The following BCAS3 variants were observed in gnomAD, a reference collection of about 807,000 sequenced individuals.
BCAS3 encodes the protein BCAS3 microtubule associated cell migration factor.
Under a neutral mutation model 116.1 loss-of-function variants are expected in BCAS3, and 53 were observed. The observed-to-expected ratio is 0.46, with a 90% CI of 0.37 to 0.57. BCAS3 has a LOEUF of 0.57. Among genes scored for constraint, BCAS3 ranks in the 20% least tolerant of loss-of-function variants. BCAS3 has a pLI of 0.00. For missense variants in BCAS3, 917 were observed against 1,165.4 expected, an observed-to-expected ratio of 0.79 and a Z score of 3.10; for synonymous variants, 391 against 408.2, an observed-to-expected ratio of 0.96 and a Z score of 0.51.
chr17:60,707,280 A>C (rs2037285061), intron 4 of BCAS3, among the ~76,000 whole-genome samples: 1 of 151,724 alleles, frequency 6.6e-6, no homozygotes, highest in African/African-American at 2.4e-5. Context: ...GGTGTGAGCC[A>C]CCACGCCCGG....
chr17:60,810,176 C>T (rs1401863405), intron 7 of BCAS3: 2 of 421,024 alleles, frequency 4.8e-6, no homozygotes, highest in Non-Finnish European at 4.7e-6. Context: ...TGAGCTTCAC[C>T]ACTTGCTCCA....
Position 61,208,701 on chromosome 17 carries a change from C to G in BCAS3, c.2425+124137C>G, listed in dbSNP as rs912558527. ...GAGAGAGCCTCAGACACATTTTGTT[C>G]CCAAACAGAATTAGAAGGAAAAGGT... is the stretch of plus-strand genomic sequence containing the variant. On this transcript the variant is annotated intron_variant, in intron 22 of 23. Transcript: ENST00000407086. This position sits in a 1 kb window ranked among gnomAD's most constrained non-coding sequence, Gnocchi z 4.5. 6.6e-6 allele frequency among the ~76,000 whole-genome samples: 1 copy of G among 152,110 alleles called. No homozygotes were observed. The highest frequency in any genetic ancestry group is 1.5e-5 in the Non-Finnish European group (1 of 68,016).
chr17:60,968,566 C>CT (rs146844746), intron 14 of BCAS3, among the ~76,000 whole-genome samples: 418 of 147,662 alleles, frequency 2.8e-3, no homozygotes, highest in African/African-American at 7.7e-3. Context: ...AAGTTGTTGC[C>CT]TTTTTTTTTT....
At chr17:60,775,298 A>T (rs1437425577) in intron 6 of BCAS3, among the ~76,000 whole-genome samples, 2 of 152,128 alleles carry the variant, frequency 1.3e-5, no homozygotes, top group East Asian at 3.8e-4. Context: ...TGATCTCATG[A>T]ATAGGTAAAG....
intron 19 of BCAS3, among the ~76,000 whole-genome samples, chr17:61,042,664 G>A (rs1251554613): frequency 6.6e-6 from 1 of 151,704 alleles, no homozygotes; most frequent in Non-Finnish European, 1.5e-5. Context: ...GAAGCGGGAG[G>A]ATCACTTGAG....
intron 18 of BCAS3, among the ~76,000 whole-genome samples, chr17:61,038,300 C>T (rs1017568517): frequency 1.4e-5 from 2 of 139,828 alleles, no homozygotes; most frequent in African/African-American, 2.7e-5. Context: ...TTTTTTGAGA[C>T]GGAGTCTCAC....
chr17:61,249,945 A>C lies in BCAS3; in HGVS notation c.2426-118382A>C, dbSNP rs1005851471. Among the ~76,000 whole-genome samples the C allele has an allele frequency of 1.3e-5, 2 of 152,204 alleles. No individual in the cohort carries two copies. The highest frequency in any genetic ancestry group is 2.9e-5 in the Non-Finnish European group (2 of 68,014). On this transcript the variant is annotated intron_variant, in intron 22 of 23. Coordinates refer to ENST00000407086, the MANE Select transcript of BCAS3 (RefSeq NM_017679.5). This position sits in a 1 kb window ranked among gnomAD's most constrained non-coding sequence, Gnocchi z 6.2. ...AATATCACCTGCCCCAGAGTTTACAAATCAGAAATTGAATGAGGCAGGCTT... is the reference window on the plus strand; with the variant it reads ...AATATCACCTGCCCCAGAGTTTACACATCAGAAATTGAATGAGGCAGGCTT...
intron 14 of BCAS3, among the ~76,000 whole-genome samples, chr17:60,971,642 C>A (rs1357108046): frequency 6.6e-6 from 1 of 152,200 alleles, no homozygotes; most frequent in African/African-American, 2.4e-5. Flanking sequence ...TTAAAGGAAG[C>A]TCTGTGAATC....
intron 6 of BCAS3, among the ~76,000 whole-genome samples, chr17:60,796,821 T>C (rs372566646): frequency 6.6e-6 from 1 of 152,188 alleles, no homozygotes; most frequent in East Asian, 1.9e-4. Context: ...GTTTGTGCTC[T>C]TTCAGGCTTT....
rs1425050538 is a variant in BCAS3 at position 61,213,776 on chromosome 17, G to T, written c.2425+129212G>T. On this transcript the variant is annotated intron_variant, in intron 22 of 23. Coordinates refer to ENST00000407086, the MANE Select transcript of BCAS3 (RefSeq NM_017679.5). The surrounding 1 kb of genome is among the most constrained non-coding windows in gnomAD (Gnocchi z 5.4). ...ACACATTCAGAATTTTCTGGATGTG[G>T]TTTAGTATATCATGATTACCAAATC... Among the ~76,000 whole-genome samples the T allele has an allele frequency of 1.3e-5, 2 of 152,090 alleles. No homozygotes were observed. The highest frequency in any genetic ancestry group is 2.9e-5 in the Non-Finnish European group (2 of 68,022).
intron 22 of BCAS3, among the ~76,000 whole-genome samples, chr17:61,210,430 G>T (rs943807050): frequency 3.3e-5 from 5 of 152,172 alleles, no homozygotes; most frequent in African/African-American, 1.2e-4. Context: ...TTTATGAGAT[G>T]ATATCCAGAA....
chr17:61,246,229 C>G lies in BCAS3; in HGVS notation c.2426-122098C>G, dbSNP rs540623941. On this transcript the variant is annotated intron_variant, in intron 22 of 23. Coordinates refer to ENST00000407086, the MANE Select transcript of BCAS3 (RefSeq NM_017679.5). ...GGTACAGTGGCTCACGCTTGTAATC[C>G]CAGCACTTTGGGAGGCTGAGGCAGG... 6.6e-5 allele frequency among the ~76,000 whole-genome samples: 10 copies of G among 151,984 alleles called. No individual in the cohort carries two copies. In the South Asian group the frequency reaches 2.1e-3, roughly 32 times the overall value.
intron 13 of BCAS3, among the ~76,000 whole-genome samples, chr17:60,940,952 A>G (rs1205466299): frequency 6.6e-6 from 1 of 152,148 alleles, no homozygotes; most frequent in Non-Finnish European, 1.5e-5. Context: ...CTATTCTTTA[A>G]TTTTGCTTTT....
chr17:60,807,896 CTT>C (rs2048429901), intron 6 of BCAS3, 106 bp from the exon 7 acceptor site: 2 of 694,402 alleles, frequency 2.9e-6, no homozygotes, highest in African/African-American at 3.7e-5. Flanking sequence ...ATTATGTCAA[CTT>C]ATAATGAATA....
At position 61,300,325 on chromosome 17, in the gene BCAS3, G is replaced by T. The variant is rs931323276; in HGVS notation, c.2426-68002G>T. ...AGAGAAGTGTCTGGTCCCCATGCCC[G>T]CCCTCCTCCCCTTTAACTCCTCGCC... On this transcript the variant is annotated intron_variant, in intron 22 of 23. Transcript: ENST00000407086. The surrounding 1 kb of genome is among the most constrained non-coding windows in gnomAD (Gnocchi z 5.1). Among the ~76,000 whole-genome samples the T allele has an allele frequency of 6.6e-6, 1 of 151,858 alleles. No individual in the cohort carries two copies. Among genetic ancestry groups the T allele is most frequent in the African/African-American group, 2.4e-5 (1 of 41,316 alleles).
At chr17:61,015,605 C>A (rs2030087770) in intron 15 of BCAS3, 146 bp from the exon 16 acceptor site, 17 of 829,786 alleles carry the variant, frequency 2.0e-5, no homozygotes, top group Non-Finnish European at 2.7e-5. Context: ...TTCTCATCCA[C>A]ATAATTGTAA....
At chr17:61,289,400 C>T (rs768601703) in intron 22 of BCAS3, among the ~76,000 whole-genome samples, 12 of 152,242 alleles carry the variant, frequency 7.9e-5, no homozygotes, top group African/African-American at 2.2e-4. Context: ...TTTACCTCCA[C>T]GTACATTACT....
At position 61,205,005 on chromosome 17, in the gene BCAS3, A is replaced by G. The variant is rs1366340380; in HGVS notation, c.2425+120441A>G. On this transcript the variant is annotated intron_variant, in intron 22 of 23. Coordinates refer to ENST00000407086, the MANE Select transcript of BCAS3 (RefSeq NM_017679.5). The surrounding 1 kb of genome is among the most constrained non-coding windows in gnomAD (Gnocchi z 5.2). ...GAGGTTGAGGCTGCAGTGAGCCATG[A>G]TTGTGCCAGAGTGAGACCTTGTCTC... Among the ~76,000 whole-genome samples, 2 of 152,158 alleles carry G rather than the reference A, an allele frequency of 1.3e-5. No homozygotes were observed. Among genetic ancestry groups the G allele is most frequent in the Non-Finnish European group, 2.9e-5 (2 of 68,028 alleles).
intron 19 of BCAS3, among the ~76,000 whole-genome samples, chr17:61,048,108 G>T (rs1236605598): frequency 1.3e-5 from 2 of 152,054 alleles, no homozygotes; most frequent in Admixed American, 1.3e-4. Context: ...ACTTTAAAAG[G>T]AATATGAGAA....
Sources: allele counts gnomAD v4.1 joint callset (sites outside exome capture counted in the v4.1 genomes callset), GRCh38; gene constraint gnomAD v4.1.1; non-coding constraint Gnocchi (gnomAD v3.1); transcripts MANE v1.5; gene names NCBI Gene and HGNC (gene_info 2026-07-23, HGNC 2026-07-21).